The following ZBTB7A variants were observed in gnomAD, a reference collection of about 807,000 sequenced individuals.
ZBTB7A encodes zinc finger and BTB domain containing 7A.
Under a neutral mutation model 26.7 loss-of-function variants are expected in ZBTB7A, and 7 were observed. That is an observed-to-expected ratio of 0.26 (90% CI 0.15 to 0.49). ZBTB7A has a LOEUF of 0.49. ZBTB7A is among the 20% of genes least tolerant of loss of function. ZBTB7A has a pLI of 0.98. For missense variants in ZBTB7A, 617 were observed against 919.5 expected, an observed-to-expected ratio of 0.67 and a Z score of 4.25; for synonymous variants, 452 against 441.0, an observed-to-expected ratio of 1.02 and a Z score of -0.31.
chr19:4,054,561 G>A lies in ZBTB7A; in HGVS notation c.672C>T (p.Pro224=). 1.3e-6 allele frequency: 2 copies of A among 1,486,550 alleles called. No individual in the cohort carries two copies. The highest frequency in any genetic ancestry group is 2.6e-5 in the Admixed American group (1 of 38,310). The allele number at this position is 1,486,550 out of a possible 1,614,324, so 92.1% of individuals were successfully genotyped here. The change falls in exon 2 of 3, where the codon CCC becomes CCT. Residue 224 remains proline (P), a synonymous_variant. Transcript: ENST00000322357. The part of the protein sequence containing the change: ...CNGLDFYGPG[P]PAERPPTGDG... ...CCCCCGTCGGGGGCCGCTCGGCCGG[G>A]GGGCCCGGCCCATAGAAGTCTAAGC... is the stretch of plus-strand genomic sequence containing the variant.
intron 1 of ZBTB7A, among the ~76,000 whole-genome samples, chr19:4,065,909 T>G (rs1006667957): frequency 5.2e-3 from 286 of 54,810 alleles, no homozygotes; most frequent in Non-Finnish European, 7.7e-3. Flanking sequence ...CCCCGCCCCC[T>G]GGCGGGCTGG....
Position 4,066,667 on chromosome 19 carries a change from C to A in ZBTB7A, c.-16+15G>T. The A allele has an allele frequency of 6.6e-6, 1 of 151,448 alleles. No individual in the cohort carries two copies. Among genetic ancestry groups the A allele is most frequent in the South Asian group, 2.0e-4 (1 of 5,102 alleles). The allele number at this position is 151,448 out of a possible 1,614,324, so 9.4% of individuals were successfully genotyped here. A position where few individuals can be genotyped will look rare whatever the true frequency, so the allele number is the denominator to read the frequency against. The stretch of plus-strand genomic sequence containing the variant: ...CTGCACCCCGTGCCGGGGGCCGCGC[C>A]GGGCGCTGACTTACCTCGCGGGGCC... On this transcript the variant is annotated intron_variant, in intron 1 of 2. Coordinates refer to ENST00000322357, the MANE Select transcript of ZBTB7A (RefSeq NM_015898.4).
intron 1 of ZBTB7A, 59 bp from the exon 2 acceptor site, chr19:4,055,306 C>T (rs1043564657): frequency 2.9e-5 from 41 of 1,429,586 alleles, no homozygotes; most frequent in Non-Finnish European, 3.7e-5. Flanking sequence ...TTCCTGTGCC[C>T]ACTGACAAGG....
intron 2 of ZBTB7A, among the ~76,000 whole-genome samples, chr19:4,050,071 T>G (rs1002918396): frequency 1.2e-4 from 18 of 151,942 alleles, no homozygotes; most frequent in Middle Eastern, 3.4e-3. Flanking sequence ...TTACAGGCCC[T>G]CTGCCACCAC....
chr19:4,064,339 C>T (rs549127571), intron 1 of ZBTB7A, among the ~76,000 whole-genome samples: 22 of 152,386 alleles, frequency 1.4e-4, no homozygotes, highest in African/African-American at 5.3e-4. Flanking sequence ...CCCCTTCTCC[C>T]CCAAGCTCTG....
At chr19:4,065,018 A>G (rs1050385263) in intron 1 of ZBTB7A, among the ~76,000 whole-genome samples, 3 of 151,490 alleles carry the variant, frequency 2.0e-5, no homozygotes, top group Non-Finnish European at 3.0e-5. Context: ...CGCTCCGCTC[A>G]GCCCCCAGCC....
intron 2 of ZBTB7A, among the ~76,000 whole-genome samples, chr19:4,053,514 TGCGTGC>T (rs1208799132): frequency 1.5e-4 from 2 of 13,202 alleles, no homozygotes; most frequent in African/African-American, 3.4e-4. Flanking sequence ...TGTGCGTGTG[TGCGTGC>T]GTGCGTGCGT....
intron 1 of ZBTB7A, among the ~76,000 whole-genome samples, chr19:4,061,251 G>A (rs1599262083): frequency 1.3e-5 from 2 of 152,316 alleles, no homozygotes; most frequent in East Asian, 3.9e-4. Context: ...AGTGAGTGGT[G>A]GGGCCTGAGG....
At chr19:4,059,562 G>C (rs1031819246) in intron 1 of ZBTB7A, among the ~76,000 whole-genome samples, 1 of 152,154 alleles carries the variant, frequency 6.6e-6, no homozygotes, top group African/African-American at 2.4e-5. Flanking sequence ...CCCAGAGAGG[G>C]CTGCAGTCCT....
chr19:4,066,537 C>G (rs1488194987), intron 1 of ZBTB7A, 145 bp downstream of exon 1: 3 of 152,020 alleles, frequency 2.0e-5, no homozygotes, highest in Non-Finnish European at 4.4e-5. Context: ...CGGGCAGCTG[C>G]CAACCACCCC....
chr19:4,047,916 G>T lies in ZBTB7A; in HGVS notation c.1591C>A (p.Arg531Ser). Residue 531 changes from arginine (R) to serine (S), a missense_variant, in exon 3 of 3, where the codon CGC (arginine) becomes AGC (serine). Transcript: ENST00000322357. Reference protein sequence around the residue: ...PAQPSSPDARRNGQEKHFKDE... With the variant: ...PAQPSSPDARSNGQEKHFKDE... ...TTAAAGTGCTTCTCCTGGCCGTTGC[G>T]CCGGGCGTCGGGGGAGCTGGGCTGG... 2 of 1,529,614 alleles carry T rather than the reference G, an allele frequency of 1.3e-6. No individual in the cohort carries two copies. The highest frequency in any genetic ancestry group is 1.8e-6 in the Non-Finnish European group (2 of 1,139,024). 94.8% of individuals were successfully genotyped at this position (1,529,614 alleles called of 1,614,324 possible).
At position 4,048,302 on chromosome 19, in the gene ZBTB7A, C is replaced by A; in HGVS notation, c.1263-58G>T. 6.7e-7 allele frequency: 1 copy of A among 1,501,168 alleles called. No homozygotes were observed. Among genetic ancestry groups the A allele is most frequent in the Non-Finnish European group, 8.8e-7 (1 of 1,135,040 alleles). The allele number at this position is 1,501,168 out of a possible 1,614,324, so 93.0% of individuals were successfully genotyped here. ...TGGGGCCGGGGACCCCCGATCCCCGCCCAGGGACCCTCACGGACACGGCAG... is the reference window on the plus strand; with the variant it reads ...TGGGGCCGGGGACCCCCGATCCCCGACCAGGGACCCTCACGGACACGGCAG... On this transcript the variant is annotated intron_variant, in intron 2 of 2. Coordinates refer to ENST00000322357, the MANE Select transcript of ZBTB7A (RefSeq NM_015898.4). The surrounding 1 kb of genome is among the most constrained non-coding windows in gnomAD (Gnocchi z 6.7).
rs1471559937 is a variant in ZBTB7A, at chr19:4,043,361, AT to A, written c.*4390del. ...TTTTTTTTATGTACAAGAAAAATGA[AT>A]TTTTTTGTTTTTTCATCTTTTGTGT... On this transcript the variant is annotated 3_prime_UTR_variant, in exon 3 of 3. Transcript: ENST00000322357. 6.7e-6 allele frequency among the ~76,000 whole-genome samples: 1 copy of A among 150,252 alleles called. No homozygotes were observed. Among genetic ancestry groups the A allele is most frequent in the Non-Finnish European group, 1.5e-5 (1 of 67,566 alleles).
In ZBTB7A at chr19:4,045,843, C is replaced by T. The variant is rs2040409727; in HGVS notation, c.*1909G>A. 1.0e-5 allele frequency: 4 copies of T among 398,570 alleles called. No homozygotes were observed. The highest frequency in any genetic ancestry group is 8.8e-5 in the Admixed American group (2 of 22,706). The allele number at this position is 398,570 out of a possible 1,614,324, so 24.7% of individuals were successfully genotyped here. On this transcript the variant is annotated 3_prime_UTR_variant, in exon 3 of 3. Transcript: ENST00000322357. This position sits in a 1 kb window ranked among gnomAD's most constrained non-coding sequence, Gnocchi z 4.1. Reference sequence around the variant, plus strand: ...GTGGGAGCCAGAGGTTGGGGGGAGGCAGGTCCCAGTCCCCCTGGATTACAG... The same window carrying T: ...GTGGGAGCCAGAGGTTGGGGGGAGGTAGGTCCCAGTCCCCCTGGATTACAG...
chr19:4,049,332 C>T lies in ZBTB7A; in HGVS notation c.1263-1088G>A, dbSNP rs542641951. 8.0e-5 allele frequency among the ~76,000 whole-genome samples: 12 copies of T among 150,116 alleles called. No homozygotes were observed. In the South Asian group the frequency reaches 2.1e-3, roughly 27 times the overall value. ...GATTACAGGTGTGAGCCACTGCGCC[C>T]GCCATGAACCCCTTTCCCTACCACA... On this transcript the variant is annotated intron_variant, in intron 2 of 2. Coordinates refer to ENST00000322357, the MANE Select transcript of ZBTB7A (RefSeq NM_015898.4).
In ZBTB7A at chr19:4,053,988, G is replaced by A. The variant is rs148891584; in HGVS notation, c.1245C>T (p.Cys415=). ...TGEKPYECNI[C]KVRFTRQDKL... is the part of the protein sequence containing the mutation. Reference sequence around the variant, plus strand: ...CAGCTCACCTGGTGAAGCGGACCTTGCAGATGTTGCACTCGTAGGGCTTCT... The same window carrying A: ...CAGCTCACCTGGTGAAGCGGACCTTACAGATGTTGCACTCGTAGGGCTTCT... Residue 415 remains cysteine, a synonymous_variant, in exon 2 of 3, where the codon TGC becomes TGT. Coordinates refer to ENST00000322357, the MANE Select transcript of ZBTB7A (RefSeq NM_015898.4). The A allele has an allele frequency of 3.0e-3, 4,773 of 1,605,184 alleles. 12 individuals are homozygous for A. Among genetic ancestry groups the A allele is most frequent in the Non-Finnish European group, 3.7e-3 (4,402 of 1,176,900 alleles).
Position 4,044,036 on chromosome 19 carries a change from G to A in ZBTB7A, c.*3716C>T, listed in dbSNP as rs1342782730. Among the ~76,000 whole-genome samples, 3 of 151,352 alleles carry A rather than the reference G, an allele frequency of 2.0e-5. No homozygotes were observed. The highest frequency in any genetic ancestry group is 2.9e-5 in the Non-Finnish European group (2 of 67,824). ...CCTCCAACCATTCTGGTTGCCGGGC[G>A]GGAGGGGGCACCCCGAGGCCCCTGC... is the stretch of plus-strand genomic sequence containing the variant. On this transcript the variant is annotated 3_prime_UTR_variant, in exon 3 of 3. Coordinates refer to ENST00000322357, the MANE Select transcript of ZBTB7A (RefSeq NM_015898.4).
rs1282649641 is a variant in ZBTB7A at position 4,046,695 on chromosome 19, C to T, written c.*1057G>A. 1 of 149,656 alleles carries T rather than the reference C, an allele frequency of 6.7e-6. No individual in the cohort carries two copies. The highest frequency in any genetic ancestry group is 1.5e-5 in the Non-Finnish European group (1 of 67,492). The allele number at this position is 149,656 out of a possible 1,614,324, so 9.3% of individuals were successfully genotyped here. ...TCCCCCCATCCCTGCCATCACCAGA[C>T]CCTGGGGTTCCTCTGATCGTGACTC... On this transcript the variant is annotated 3_prime_UTR_variant, in exon 3 of 3. Transcript: ENST00000322357.
intron 1 of ZBTB7A, among the ~76,000 whole-genome samples, chr19:4,056,740 G>A (rs956902391): frequency 6.6e-6 from 1 of 152,148 alleles, no homozygotes; most frequent in Non-Finnish European, 1.5e-5. Flanking sequence ...GATGGCACGT[G>A]CCTGTAATCC....
Sources: allele counts gnomAD v4.1 joint callset (sites outside exome capture counted in the v4.1 genomes callset), GRCh38; gene constraint gnomAD v4.1.1; non-coding constraint Gnocchi (gnomAD v3.1); transcripts MANE v1.5; gene names NCBI Gene and HGNC (gene_info 2026-07-23, HGNC 2026-07-21).